The following PARVB variants were observed in gnomAD, a reference collection of about 807,000 sequenced individuals.
PARVB encodes the protein beta-parvin.
Under a neutral mutation model 47.0 loss-of-function variants are expected in PARVB, and 46 were observed. The ratio of observed to expected loss-of-function variants is 0.98; its 90% confidence interval spans 0.77 to 1.25. The LOEUF (loss-of-function observed/expected upper bound fraction) is 1.25. Ranked by LOEUF, PARVB falls within the 50% of genes most tolerant of loss-of-function variation. The pLI is 0.00. For synonymous variants in PARVB, 196 were observed against 196.3 expected, an observed-to-expected ratio of 1.00 and a Z score of 0.01; for missense variants, 473 against 471.6, an observed-to-expected ratio of 1.00 and a Z score of -0.03.
At chr22:44,010,195 C>A (rs2050508347) in intron 2 of PARVB, among the ~76,000 whole-genome samples, 1 of 152,112 alleles carries the variant, frequency 6.6e-6, no homozygotes, top group Non-Finnish European at 1.5e-5. Flanking sequence ...ACGAGTGCAC[C>A]CCACGGCCTG....
intron 1 of PARVB, among the ~76,000 whole-genome samples, chr22:44,074,812 G>A (rs1280139283): frequency 6.6e-6 from 1 of 152,250 alleles, no homozygotes. Flanking sequence ...CAGTGCAACA[G>A]CCAAGACAAT....
chr22:44,083,715 G>T (rs2051960765), intron 1 of PARVB, among the ~76,000 whole-genome samples: 1 of 152,264 alleles, frequency 6.6e-6, no homozygotes, highest in African/African-American at 2.4e-5. Flanking sequence ...GGTAACTGCA[G>T]CTGTATTGAT....
chr22:44,039,105 A>C (rs1340819816), intron 1 of PARVB, among the ~76,000 whole-genome samples: 1 of 152,198 alleles, frequency 6.6e-6, no homozygotes, highest in Admixed American at 6.5e-5. Flanking sequence ...ATGTGGTGAG[A>C]ATAGGACAGC....
chr22:44,073,069 C>G (rs1415664324), intron 1 of PARVB, among the ~76,000 whole-genome samples: 4 of 152,140 alleles, frequency 2.6e-5, no homozygotes, highest in Non-Finnish European at 5.9e-5. Context: ...CCAGGCCTGA[C>G]CATAGTGGAT....
chr22:44,132,029 A>G (rs966892204), intron 5 of PARVB, among the ~76,000 whole-genome samples: 3 of 152,184 alleles, frequency 2.0e-5, no homozygotes, highest in Non-Finnish European at 4.4e-5. Context: ...ATGTGACATC[A>G]CGGTATTTTC....
chr22:44,153,004 G>C (rs2053842996), intron 10 of PARVB: 1 of 152,166 alleles, frequency 6.6e-6, no homozygotes, highest in Non-Finnish European at 1.5e-5. Flanking sequence ...ATGCACAGAG[G>C]GTTTTGTTCA....
intron 4 of PARVB, among the ~76,000 whole-genome samples, chr22:44,127,395 G>T (rs566787538): frequency 6.6e-6 from 1 of 152,300 alleles, no homozygotes; most frequent in East Asian, 1.9e-4. Flanking sequence ...CTCTTGATGT[G>T]ATACTACTGA....
chr22:44,003,203 C>T lies in PARVB; in HGVS notation c.211+3530C>T, dbSNP rs74451210. On this transcript the variant is annotated intron_variant, in intron 2 of 13. Coordinates refer to the PARVB transcript ENST00000406477. ...AGATAATAGCCAGCCTGGATCCATC[C>T]GTTACTGTGAAATAGAAGGTGACCT... Among the ~76,000 whole-genome samples, 419 of 152,222 alleles carry T rather than the reference C, an allele frequency of 2.8e-3. 4 individuals carry two copies. The highest frequency in any genetic ancestry group is 9.7e-3 in the African/African-American group (401 of 41,548).
intron 1 of PARVB, among the ~76,000 whole-genome samples, chr22:44,061,436 CAAAA>C (rs1287988369): frequency 3.6e-3 from 37 of 10,184 alleles, no homozygotes; most frequent in African/African-American, 0.036. Context: ...ATCTCAAAAA[CAAAA>C]CAAAACAAAA....
intron 1 of PARVB, among the ~76,000 whole-genome samples, chr22:44,052,414 G>T (rs1394408462): frequency 6.6e-6 from 1 of 152,182 alleles, no homozygotes; most frequent in Non-Finnish European, 1.5e-5. Context: ...ACCTACCTGT[G>T]TTCCTGATAT....
intron 2 of PARVB, among the ~76,000 whole-genome samples, chr22:44,010,098 G>A (rs537353705): frequency 1.4e-4 from 22 of 152,238 alleles, no homozygotes; most frequent in African/African-American, 4.3e-4. Flanking sequence ...GAGCCACTGC[G>A]CCCGTCCCCA....
chr22:44,075,099 G>A (rs888847434), intron 1 of PARVB, among the ~76,000 whole-genome samples: 3 of 152,198 alleles, frequency 2.0e-5, no homozygotes, highest in South Asian at 2.1e-4. Flanking sequence ...CCCTCCCAGT[G>A]TGGGGGTGGA....
intron 8 of PARVB, chr22:44,140,881 G>A (rs1481567253): frequency 4.2e-6 from 1 of 238,042 alleles, no homozygotes; most frequent in African/African-American, 2.2e-5. Context: ...ATCTCGGTGA[G>A]GGATGGTAAC....
At position 44,045,028 on chromosome 22, in the gene PARVB, C is replaced by T. The variant is rs6006631; in HGVS notation, c.112+20577C>T. 9.8e-3 allele frequency among the ~76,000 whole-genome samples: 1,499 copies of T among 152,202 alleles called. 17 individuals carry two copies. The highest frequency in any genetic ancestry group is 0.025 in the African/African-American group (1,031 of 41,530). The stretch of plus-strand genomic sequence containing the variant: ...CCGAGGCAGGAGGATTGCTTGAGCC[C>T]GGTGGTTTGAGACCAGCCTGGTCAA... On this transcript the variant is annotated intron_variant, in intron 1 of 12. Coordinates refer to ENST00000338758, the MANE Select transcript of PARVB (RefSeq NM_013327.5).
chr22:44,093,786 T>A, intron 1 of PARVB, 142 bp from the exon 2 acceptor site: 1 of 600,634 alleles, frequency 1.7e-6, no homozygotes. Flanking sequence ...CTCTGACTCT[T>A]TCTGGGCAAC....
At chr22:44,097,196 C>T (rs1448564787) in intron 2 of PARVB, among the ~76,000 whole-genome samples, 4 of 152,206 alleles carry the variant, frequency 2.6e-5, no homozygotes, top group Non-Finnish European at 4.4e-5. Context: ...CTTTTCTTCT[C>T]TCCCAGAGTC....
At chr22:44,024,237 A>AG (rs1158194618), upstream of PARVB, 16 of 444,444 alleles carry the variant, frequency 3.6e-5, no homozygotes, top group East Asian at 6.3e-4. Flanking sequence ...CGGGGGCGGG[A>AG]CCGGGGCGGG....
chr22:44,057,883 A>G (rs1601538758), intron 1 of PARVB, among the ~76,000 whole-genome samples: 2 of 151,974 alleles, frequency 1.3e-5, no homozygotes, highest in East Asian at 3.9e-4. Flanking sequence ...GGAGCCTCCC[A>G]GTGTGGCATG....
chr22:44,135,064 G>A (rs1429288456), intron 6 of PARVB, among the ~76,000 whole-genome samples: 1 of 152,158 alleles, frequency 6.6e-6, no homozygotes, highest in African/African-American at 2.4e-5. Context: ...TTCCATGGAG[G>A]TCAAACTCAG....
Sources: allele counts gnomAD v4.1 joint callset (sites outside exome capture counted in the v4.1 genomes callset), GRCh38; gene constraint gnomAD v4.1.1; transcripts MANE v1.5; gene names NCBI Gene and HGNC (gene_info 2026-07-23, HGNC 2026-07-21).